TP73: variants seen among roughly 807,000 people sequenced by gnomAD.
TP73 encodes the protein p53-like transcription factor.
In TP73, 25 loss-of-function variants were observed where a neutral mutation model predicts 62.5. The observed-to-expected ratio is 0.40, with a 90% CI of 0.29 to 0.56. The LOEUF (loss-of-function observed/expected upper bound fraction) is 0.56, where lower values mean the gene tolerates loss of function less well. TP73 is among the 20% of genes least tolerant of loss of function. TP73 has a pLI of 0.46. For missense variants in TP73, 754 were observed against 913.3 expected (o/e 0.83, Z 2.25); for synonymous variants, 423 against 377.5 (o/e 1.12, Z -1.40).
intron 1 of TP73, among the ~76,000 whole-genome samples, chr1:3,679,320 G>A (rs550660419): frequency 9.9e-5 from 15 of 152,242 alleles, no homozygotes; most frequent in African/African-American, 3.6e-4. Flanking sequence ...TGAGCCCTGC[G>A]CGGAGGGATG....
At chr1:3,692,874 C>T (rs1645888654) in intron 3 of TP73, among the ~76,000 whole-genome samples, 2 of 152,170 alleles carry the variant, frequency 1.3e-5, no homozygotes, top group South Asian at 4.1e-4. Context: ...CCCTGGCCTG[C>T]AGACCCTCAC....
intron 4 of TP73, among the ~76,000 whole-genome samples, chr1:3,717,822 A>G (rs1214058826): frequency 6.6e-6 from 1 of 152,190 alleles, no homozygotes; most frequent in Non-Finnish European, 1.5e-5. Flanking sequence ...GGGACATCAC[A>G]GACATCCTCC....
In TP73 at chr1:3,672,794, G is replaced by A. The variant is rs888631989; in HGVS notation, c.-33-9539G>A. On this transcript the variant is annotated intron_variant, in intron 1 of 13. Transcript: ENST00000378295. This position sits in a 1 kb window ranked among gnomAD's most constrained non-coding sequence, Gnocchi z 5.3. ...GACAGGGCCCCACTTCCCTCCTGCC[G>A]CCAACCTCGTCCCCCCAAGGGCCAT... 1.1e-4 allele frequency among the ~76,000 whole-genome samples: 16 copies of A among 152,090 alleles called. No individual in the cohort carries two copies. The highest frequency in any genetic ancestry group is 2.7e-4 in the African/African-American group (11 of 41,480).
chr1:3,723,159 C>T (rs374879419), intron 5 of TP73, among the ~76,000 whole-genome samples, 195 bp from the exon 6 acceptor site: 2 of 145,548 alleles, frequency 1.4e-5, no homozygotes, highest in African/African-American at 2.6e-5. Flanking sequence ...GTGCCTGGCA[C>T]GGGGCCAGCA....
chr1:3,662,776 G>T lies in TP73; in HGVS notation c.-34+10135G>T, dbSNP rs1039558338. Among the ~76,000 whole-genome samples the T allele has an allele frequency of 1.3e-5, 2 of 152,204 alleles. No homozygotes were observed. Among genetic ancestry groups the T allele is most frequent in the African/African-American group, 4.8e-5 (2 of 41,460 alleles). On this transcript the variant is annotated intron_variant, in intron 1 of 13. Transcript: ENST00000378295. This position sits in a 1 kb window ranked among gnomAD's most constrained non-coding sequence, Gnocchi z 4.4. ...GGACATTGCAAGGGGGCCTAGAGGG[G>T]CCTCTATGGGCCTTGGAGATGGAAT...
At chr1:3,689,887 C>T (rs1314929741) in intron 3 of TP73, among the ~76,000 whole-genome samples, 2 of 152,182 alleles carry the variant, frequency 1.3e-5, no homozygotes, top group Non-Finnish European at 2.9e-5. Flanking sequence ...GACTCGGGCC[C>T]CTCTGCCAGG....
At chr1:3,730,815 G>C in intron 11 of TP73, 112 bp from the exon 12 acceptor site, 1 of 1,374,762 alleles carries the variant, frequency 7.3e-7, no homozygotes, top group Non-Finnish European at 9.7e-7. Flanking sequence ...GCGTCACATC[G>C]CCAGGCCTTG....
At chr1:3,715,398 C>T (rs569608567) in intron 4 of TP73, among the ~76,000 whole-genome samples, 2 of 152,238 alleles carry the variant, frequency 1.3e-5, no homozygotes, top group South Asian at 2.1e-4. Context: ...GCCTAGACCC[C>T]GACCCCAGGC....
At chr1:3,711,482 A>G (rs1160959962) in intron 4 of TP73, among the ~76,000 whole-genome samples, 2 of 152,222 alleles carry the variant, frequency 1.3e-5, no homozygotes, top group Admixed American at 6.5e-5. Context: ...GCCCGACGCG[A>G]TGGGCATCGG....
intron 4 of TP73, among the ~76,000 whole-genome samples, chr1:3,720,412 C>A (rs1640977230): frequency 6.6e-6 from 1 of 152,174 alleles, no homozygotes; most frequent in Admixed American, 6.5e-5. Flanking sequence ...CTAGGAGGGG[C>A]CAGCTCTTTG....
intron 2 of TP73, 27 bp from the exon 3 acceptor site, chr1:3,683,033 G>T: frequency 6.3e-7 from 1 of 1,589,176 alleles, no homozygotes; most frequent in African/African-American, 1.3e-5. Flanking sequence ...GGGGACTGAC[G>T]CTTCTATTTT....
At chr1:3,725,629 GTGGGTAGAGGGA>G (rs1445087307) in intron 6 of TP73, among the ~76,000 whole-genome samples, 7 of 143,544 alleles carry the variant, frequency 4.9e-5, no homozygotes, top group Admixed American at 1.4e-4. Flanking sequence ...GAATGGATGG[GTGGGTAGAGGGA>G]TGGGTAGATG....
chr1:3,728,485 G>C (rs1377062878), intron 9 of TP73, among the ~76,000 whole-genome samples: 2 of 152,258 alleles, frequency 1.3e-5, no homozygotes, highest in Non-Finnish European at 2.9e-5. Flanking sequence ...ACATAGCACA[G>C]GTAGGGTGGT....
intron 6 of TP73, 28 bp from the exon 7 acceptor site, chr1:3,727,087 G>A (rs201923729): frequency 1.6e-4 from 254 of 1,598,024 alleles, no homozygotes; most frequent in Non-Finnish European, 8.5e-5. Context: ...GCTGATGCTA[G>A]CCCCTCTCCC....
At chr1:3,683,523 G>T (rs1645574055) in intron 3 of TP73, among the ~76,000 whole-genome samples, 1 of 152,098 alleles carries the variant, frequency 6.6e-6, no homozygotes, top group African/African-American at 2.4e-5. Context: ...GGCTTCTACT[G>T]GTGGATCCAG....
At chr1:3,723,039 G>A (rs1641219642) in intron 5 of TP73, among the ~76,000 whole-genome samples, 1 of 148,640 alleles carries the variant, frequency 6.7e-6, no homozygotes, top group South Asian at 2.2e-4. Context: ...GCACCTCTCT[G>A]CACCTGGCAT....
chr1:3,734,053 AG>A lies in TP73; in HGVS notation c.*976del, dbSNP rs1642329303. The A allele has an allele frequency of 6.6e-6, 1 of 151,272 alleles. No homozygotes were observed. The highest frequency in any genetic ancestry group is 2.1e-4 in the South Asian group (1 of 4,762). 9.4% of individuals were successfully genotyped at this position (151,272 alleles called of 1,614,324 possible). ...TTGTTCCCAGGAAGGCCGGGTGGGG[AG>A]GAAGCCTAGAGGGAACCCCAGGAAG... On this transcript the variant is annotated 3_prime_UTR_variant, in exon 14 of 14. Transcript: ENST00000378295. The surrounding 1 kb of genome is among the most constrained non-coding windows in gnomAD (Gnocchi z 4.4).
chr1:3,710,293 G>A (rs1327478719), intron 4 of TP73, among the ~76,000 whole-genome samples: 4 of 152,060 alleles, frequency 2.6e-5, no homozygotes, highest in Non-Finnish European at 4.4e-5. Context: ...CAGGGGGTGG[G>A]ACAAACATTG....
intron 1 of TP73, among the ~76,000 whole-genome samples, chr1:3,656,133 G>T (rs935802786): frequency 2.7e-5 from 4 of 149,016 alleles, no homozygotes; most frequent in South Asian, 2.1e-4. Context: ...CTGAGATCAC[G>T]CACTACACTC....
Sources: allele counts gnomAD v4.1 joint callset (sites outside exome capture counted in the v4.1 genomes callset), GRCh38; gene constraint gnomAD v4.1.1; non-coding constraint Gnocchi (gnomAD v3.1); transcripts MANE v1.5; gene names NCBI Gene and HGNC (gene_info 2026-07-23, HGNC 2026-07-21).